Variants in MCTP1 observed in about 807,000 individuals in gnomAD.
MCTP1 encodes the protein multiple C2 and transmembrane domain-containing protein 1.
Under a neutral mutation model 120.6 loss-of-function variants are expected in MCTP1, and 69 were observed. That is an observed-to-expected ratio of 0.57 (90% CI 0.47 to 0.70). The LOEUF (loss-of-function observed/expected upper bound fraction) is 0.70. Ranked by LOEUF, MCTP1 falls within the 30% of genes least tolerant of loss-of-function variation. The pLI is 0.00. For synonymous variants in MCTP1, 529 were observed against 493.1 expected (o/e 1.07, Z -0.96); for missense variants, 1,203 against 1,248.8 (o/e 0.96, Z 0.55).
intron 17 of MCTP1, among the ~76,000 whole-genome samples, chr5:94,829,889 A>C (rs1171154875): frequency 6.6e-6 from 1 of 152,176 alleles, no homozygotes; most frequent in Non-Finnish European, 1.5e-5. Flanking sequence ...TCTTCACTAT[A>C]AACTTCTATC....
At chr5:94,847,682 G>GTGTATATATATATATATATA (rs1169588105) in intron 17 of MCTP1, among the ~76,000 whole-genome samples, 3 of 102,406 alleles carry the variant, frequency 2.9e-5, no homozygotes, top group Admixed American at 9.7e-5. Context: ...GTGTGTGTGT[G>GTGTATATATATATATATATA]TATATATATA....
chr5:95,060,323 C>A (rs1273089680), intron 1 of MCTP1, among the ~76,000 whole-genome samples: 5 of 152,166 alleles, frequency 3.3e-5, no homozygotes, highest in Non-Finnish European at 7.3e-5. Flanking sequence ...TTCTGGGTGA[C>A]TAGCTTCTGT....
At chr5:94,839,870 A>T (rs1440098502) in intron 17 of MCTP1, among the ~76,000 whole-genome samples, 1 of 152,248 alleles carries the variant, frequency 6.6e-6, no homozygotes, top group Non-Finnish European at 1.5e-5. Context: ...TGACATTTGC[A>T]CACTGCCTAG....
intron 1 of MCTP1, among the ~76,000 whole-genome samples, chr5:95,280,127 T>C (rs1464171416): frequency 6.6e-6 from 1 of 152,226 alleles, no homozygotes; most frequent in Non-Finnish European, 1.5e-5. Context: ...ATGTGCTTTA[T>C]TTAAAAGCTC....
intron 17 of MCTP1, among the ~76,000 whole-genome samples, chr5:94,825,778 C>T (rs1231086095): frequency 1.3e-5 from 2 of 152,064 alleles, no homozygotes; most frequent in Admixed American, 6.6e-5. Context: ...TATACACACA[C>T]ACACACACAT....
Position 94,940,065 on chromosome 5 carries a change from A to T in MCTP1, c.1173+19T>A. ...TTTCAAACAAGAAAGAGCTCCTACT[A>T]GGCTGTGGGGGAACTTACCACATCC... On this transcript the variant is annotated intron_variant, in intron 5 of 22. Transcript: ENST00000515393. The T allele has an allele frequency of 7.0e-7, 1 of 1,421,376 alleles. No homozygotes were observed. The highest frequency in any genetic ancestry group is 9.9e-7 in the Non-Finnish European group (1 of 1,014,522). The allele number at this position is 1,421,376 out of a possible 1,614,324, so 88.0% of individuals were successfully genotyped here. A position where few individuals can be genotyped will look rare whatever the true frequency, so the allele number is the denominator to read the frequency against.
intron 18 of MCTP1, among the ~76,000 whole-genome samples, chr5:94,794,770 A>G (rs1283726061): frequency 1.3e-5 from 2 of 152,252 alleles, no homozygotes; most frequent in Non-Finnish European, 2.9e-5. Flanking sequence ...CTTGATAAAT[A>G]TCATTTTTGT....
chr5:95,045,672 CA>C (rs1293868530), intron 1 of MCTP1, among the ~76,000 whole-genome samples: 1 of 152,100 alleles, frequency 6.6e-6, no homozygotes, highest in African/African-American at 2.4e-5. Flanking sequence ...CAAAGGGAGT[CA>C]AAAGCTATGG....
chr5:95,205,479 T>A (rs565524114), intron 1 of MCTP1, among the ~76,000 whole-genome samples: 1 of 151,998 alleles, frequency 6.6e-6, no homozygotes, highest in East Asian at 1.9e-4. Context: ...AAAGAAAAAA[T>A]AACGGTACTT....
intron 1 of MCTP1, among the ~76,000 whole-genome samples, chr5:95,156,503 AGT>A (rs2152467511): frequency 6.6e-6 from 1 of 152,338 alleles, no homozygotes; most frequent in African/African-American, 2.4e-5. Flanking sequence ...CCCATTCTCT[AGT>A]TACCTTAACT....
chr5:94,939,737 G>T (rs1817103163), intron 5 of MCTP1, among the ~76,000 whole-genome samples: 1 of 151,954 alleles, frequency 6.6e-6, no homozygotes, highest in Non-Finnish European at 1.5e-5. Context: ...GCAGGGTCTG[G>T]ATACCGTAAT....
intron 10 of MCTP1, among the ~76,000 whole-genome samples, chr5:94,904,827 T>A (rs1806391258): frequency 6.6e-6 from 1 of 152,196 alleles, no homozygotes; most frequent in South Asian, 2.1e-4. Flanking sequence ...CAGGAAATAT[T>A]TACTGAGTGC....
intron 19 of MCTP1, among the ~76,000 whole-genome samples, chr5:94,724,696 A>G (rs1761734180): frequency 6.6e-6 from 1 of 152,202 alleles, no homozygotes; most frequent in Non-Finnish European, 1.5e-5. Context: ...GTTCTGGAAT[A>G]GATCTCTCAA....
chr5:95,210,764 T>G (rs1285230126), intron 1 of MCTP1, among the ~76,000 whole-genome samples: 2 of 152,176 alleles, frequency 1.3e-5, no homozygotes, highest in African/African-American at 4.8e-5. Flanking sequence ...AGTTTCTTCC[T>G]AGTCTCGATG....
At chr5:94,747,920 G>A (rs576286685) in intron 19 of MCTP1, among the ~76,000 whole-genome samples, 61 of 152,126 alleles carry the variant, frequency 4.0e-4, no homozygotes, top group South Asian at 3.9e-3. Context: ...GTGAAATCCC[G>A]TCTCTACTAA....
Position 95,034,036 on chromosome 5 carries a change from A to G in MCTP1, c.721-16552T>C, listed in dbSNP as rs183135673. Among the ~76,000 whole-genome samples, 311 of 152,214 alleles carry G rather than the reference A, an allele frequency of 2.0e-3. 1 individual carries two copies. The highest frequency in any genetic ancestry group is 7.1e-3 in the African/African-American group (296 of 41,572). On this transcript the variant is annotated intron_variant, in intron 1 of 22. Transcript: ENST00000515393. ...AACCAAAGAGGTAAAAGATCTCTAC[A>G]AGGAGAATTACAAAACACTGTTGAA...
chr5:95,061,339 A>ATTGTCT (rs1250346047), intron 1 of MCTP1, among the ~76,000 whole-genome samples: 4 of 145,400 alleles, frequency 2.8e-5, no homozygotes, highest in Non-Finnish European at 6.0e-5. Context: ...TAGTAAAAAG[A>ATTGTCT]TTGTCTTTAT....
chr5:94,728,881 T>G (rs1762609351), intron 19 of MCTP1, among the ~76,000 whole-genome samples: 1 of 152,206 alleles, frequency 6.6e-6, no homozygotes, highest in Non-Finnish European at 1.5e-5. Context: ...AATTCATTTC[T>G]TTTATTCATT....
intron 1 of MCTP1, among the ~76,000 whole-genome samples, chr5:95,213,870 G>A (rs1225324800): frequency 1.3e-5 from 2 of 152,376 alleles, no homozygotes; most frequent in East Asian, 1.9e-4. Context: ...ACTTCAAGGT[G>A]GATTAAAGAC....
Sources: allele counts gnomAD v4.1 joint callset (sites outside exome capture counted in the v4.1 genomes callset), GRCh38; gene constraint gnomAD v4.1.1; transcripts MANE v1.5; gene names NCBI Gene and HGNC (gene_info 2026-07-23, HGNC 2026-07-21).